Variants in FRMD3 observed in about 807,000 individuals in gnomAD.
FRMD3 encodes FERM domain containing 3.
FRMD3 carries 33 observed loss-of-function variants against 70.2 expected under a neutral mutation model. The observed-to-expected ratio is 0.47, with a 90% CI of 0.36 to 0.63. The LOEUF (loss-of-function observed/expected upper bound fraction) is 0.63. FRMD3 is among the 20% of genes least tolerant of loss of function. The pLI is 0.00. For missense variants in FRMD3, 632 were observed against 711.4 expected (o/e 0.89, Z 1.27); for synonymous variants, 279 against 255.9 (o/e 1.09, Z -0.86).
At chr9:83,580,405 T>A in the FRMD3 span, among the ~76,000 whole-genome samples, 1 of 152,088 alleles carries the variant, frequency 6.6e-6, no homozygotes, top group Non-Finnish European at 1.5e-5. Flanking sequence ...ATAATGTATG[T>A]CCAGACAATG....
Position 83,472,296 on chromosome 9 carries a change from G to T in FRMD3, c.147+65789C>A, listed in dbSNP as rs142158184. 3.3e-3 allele frequency among the ~76,000 whole-genome samples: 507 copies of T among 152,260 alleles called. 1 individual carries two copies. The highest frequency in any genetic ancestry group is 0.012 in the African/African-American group (495 of 41,542). On this transcript the variant is annotated intron_variant, in intron 1 of 13. Coordinates refer to ENST00000304195, the MANE Select transcript of FRMD3 (RefSeq NM_174938.6). Reference sequence around the variant, plus strand: ...AGCTGCAGAGAAGATCAGGGTGAGGGAAATAAAACCTGCAGCATTTCTCAA... The same window carrying T: ...AGCTGCAGAGAAGATCAGGGTGAGGTAAATAAAACCTGCAGCATTTCTCAA...
Position 83,245,723 on chromosome 9 carries a change from A to G in FRMD3, c.*2195T>C. ...TGATTTGTCATAGTCAGAACTTTAG[A>G]GAAAATTATATGACGCATGATCAGA... is the stretch of plus-strand genomic sequence containing the variant. On this transcript the variant is annotated 3_prime_UTR_variant, in exon 14 of 14. Coordinates refer to ENST00000304195, the MANE Select transcript of FRMD3 (RefSeq NM_174938.6). The G allele has an allele frequency of 2.0e-6, 2 of 984,214 alleles. No homozygotes were observed. The highest frequency in any genetic ancestry group is 2.4e-6 in the Non-Finnish European group (2 of 828,860). The allele number at this position is 984,214 out of a possible 1,614,324, so 61.0% of individuals were successfully genotyped here.
chr9:83,343,420 C>T, intron 4 of FRMD3, 133 bp from the exon 5 acceptor site: 1 of 632,802 alleles, frequency 1.6e-6, no homozygotes, highest in Admixed American at 2.8e-5. Context: ...CATGCCCAGC[C>T]CTTTGTAGAA....
At chr9:83,435,580 A>G (rs1827110465) in intron 1 of FRMD3, among the ~76,000 whole-genome samples, 1 of 151,910 alleles carries the variant, frequency 6.6e-6, no homozygotes, top group Admixed American at 6.6e-5. Context: ...TCTTTTAGCC[A>G]GTTACTTCTT....
chr9:83,459,923 G>C (rs191799030), intron 1 of FRMD3, among the ~76,000 whole-genome samples: 1 of 152,338 alleles, frequency 6.6e-6, no homozygotes, highest in African/African-American at 2.4e-5. Flanking sequence ...TCCTCACATA[G>C]CCTTGCCTCA....
intron 1 of FRMD3, among the ~76,000 whole-genome samples, chr9:83,489,900 C>T (rs1219644878): frequency 3.9e-5 from 6 of 152,180 alleles, no homozygotes; most frequent in Admixed American, 3.9e-4. Context: ...TTTGTTCAGC[C>T]TCGAAGGTCA....
chr9:83,262,822 C>T (rs1394146256), intron 13 of FRMD3, among the ~76,000 whole-genome samples: 4 of 152,136 alleles, frequency 2.6e-5, no homozygotes, highest in Non-Finnish European at 5.9e-5. Flanking sequence ...CCCCCACTCC[C>T]GGACTGAGAT....
chr9:83,347,400 AT>A (rs1282182122), intron 4 of FRMD3, among the ~76,000 whole-genome samples: 13 of 152,228 alleles, frequency 8.5e-5, no homozygotes, highest in Admixed American at 3.9e-4. Flanking sequence ...TGAGTCATAA[AT>A]TATTGTGCTG....
At position 83,310,464 on chromosome 9, in the gene FRMD3, TAAAAA is replaced by T; in HGVS notation, c.837+16_837+20del. 1.1e-5 allele frequency: 17 copies of T among 1,587,852 alleles called. No individual in the cohort carries two copies. Among genetic ancestry groups the T allele is most frequent in the Non-Finnish European group, 1.5e-5 (17 of 1,164,732 alleles). ...TCATGCACACACAATAACAGGCAGTTAAAAAAAAGCAGTATCTGACCTCCTTCTGG... is the reference window on the plus strand; with the variant it reads ...TCATGCACACACAATAACAGGCAGTTAAAGCAGTATCTGACCTCCTTCTGG... On this transcript the variant is annotated intron_variant, in intron 9 of 13. Coordinates refer to ENST00000304195, the MANE Select transcript of FRMD3 (RefSeq NM_174938.6).
Position 83,247,764 on chromosome 9 carries a change from G to T in FRMD3, c.*154C>A, listed in dbSNP as rs1026801607. 4.8e-6 allele frequency: 7 copies of T among 1,471,338 alleles called. No individual in the cohort carries two copies. The highest frequency in any genetic ancestry group is 1.4e-5 in the African/African-American group (1 of 71,180). 91.1% of individuals were successfully genotyped at this position (1,471,338 alleles called of 1,614,324 possible). The stretch of plus-strand genomic sequence containing the variant: ...TTTGATTTAAACTTATTTAAGTGCA[G>T]TGAATTATGGAAAGCTAACTTAAAG... On this transcript the variant is annotated 3_prime_UTR_variant, in exon 14 of 14. Transcript: ENST00000304195.
chr9:83,408,363 AT>A (rs1017026469), intron 1 of FRMD3, among the ~76,000 whole-genome samples: 6 of 152,148 alleles, frequency 3.9e-5, no homozygotes, highest in African/African-American at 1.2e-4. Context: ...GAAAAAAAAA[AT>A]ATCACAAACA....
intron 1 of FRMD3, among the ~76,000 whole-genome samples, chr9:83,460,883 C>A (rs1827950344): frequency 6.6e-6 from 1 of 151,668 alleles, no homozygotes; most frequent in African/African-American, 2.4e-5. Flanking sequence ...CAGATCACAC[C>A]ATCATCTTAG....
At chr9:83,417,794 GGAA>G (rs890159699) in intron 1 of FRMD3, among the ~76,000 whole-genome samples, 2 of 152,122 alleles carry the variant, frequency 1.3e-5, no homozygotes, top group African/African-American at 4.8e-5. Flanking sequence ...AATGTTCAGG[GGAA>G]GAAGACCAAG....
At chr9:83,273,095 A>G (rs1310217652) in intron 13 of FRMD3, among the ~76,000 whole-genome samples, 1 of 151,958 alleles carries the variant, frequency 6.6e-6, no homozygotes, top group Non-Finnish European at 1.5e-5. Flanking sequence ...GGAAGTGAGG[A>G]GCCCCTCTGC....
intron 13 of FRMD3, among the ~76,000 whole-genome samples, chr9:83,289,965 A>G (rs1834354883): frequency 6.6e-6 from 1 of 152,190 alleles, no homozygotes; most frequent in African/African-American, 2.4e-5. Flanking sequence ...AATATAACAA[A>G]TGTGGGGGTT....
rs534698581 is a variant in FRMD3 at position 83,380,079 on chromosome 9, C to T, written c.253-7124G>A. Among the ~76,000 whole-genome samples, 5 of 152,228 alleles carry T rather than the reference C, an allele frequency of 3.3e-5. No individual in the cohort carries two copies. The South Asian group carries it at 1.0e-3, about 32-fold the overall frequency. ...TTCAAACCAGACCTAAAACAGCCTC[C>T]CTAACTCTCCACTAAAAGCTGTCTT... On this transcript the variant is annotated intron_variant, in intron 2 of 13. Coordinates refer to ENST00000304195, the MANE Select transcript of FRMD3 (RefSeq NM_174938.6).
upstream of FRMD3, among the ~76,000 whole-genome samples, chr9:83,541,185 C>A (rs1829995473): frequency 6.6e-6 from 1 of 152,180 alleles, no homozygotes; most frequent in Non-Finnish European, 1.5e-5. Context: ...AATACTTGAA[C>A]CAGATTCAGT....
upstream of FRMD3, among the ~76,000 whole-genome samples, chr9:83,539,845 C>T (rs1829977912): frequency 6.6e-6 from 1 of 152,198 alleles, no homozygotes; most frequent in Non-Finnish European, 1.5e-5. Context: ...TTATGTAGCA[C>T]TCAATAGCTG....
intron 1 of FRMD3, among the ~76,000 whole-genome samples, chr9:83,494,880 T>A (rs1828907626): frequency 6.6e-6 from 1 of 151,258 alleles, no homozygotes; most frequent in South Asian, 2.1e-4. Flanking sequence ...TGTGCGTGTG[T>A]ATATATATGA....
Sources: gnomAD v4.1 joint callset for allele counts (sites outside exome capture counted in the v4.1 genomes callset) on GRCh38, gnomAD v4.1.1 for gene constraint, MANE v1.5 for transcripts, NCBI Gene and HGNC (gene_info 2026-07-23, HGNC 2026-07-21) for gene names.